GULP1: variants seen among roughly 807,000 people sequenced by gnomAD.
GULP1 encodes the protein PTB domain-containing engulfment adapter protein 1.
In GULP1, 19 loss-of-function variants were observed where a neutral mutation model predicts 40.9. That is an observed-to-expected ratio of 0.46 (90% CI 0.32 to 0.68). The LOEUF is 0.68. GULP1 is among the 30% of genes least tolerant of loss of function. GULP1 has a pLI of 0.03. For synonymous variants in GULP1, 119 were observed against 117.6 expected (o/e 1.01, Z -0.08); for missense variants, 312 against 362.2 (o/e 0.86, Z 1.12).
At position 188,593,937 on chromosome 2, in the gene GULP1, C is replaced by A; in HGVS notation, c.844-3C>A. 6.5e-7 allele frequency: 1 copy of A among 1,529,860 alleles called. No individual in the cohort carries two copies. Among genetic ancestry groups the A allele is most frequent in the Non-Finnish European group, 9.1e-7 (1 of 1,104,900 alleles). 94.8% of individuals were successfully genotyped at this position (1,529,860 alleles called of 1,614,324 possible). ...ATATTAATTATTTTATTCTGTTTTA[C>A]AGGAGGGGTTCAAAATGGGACTAAC... is the stretch of plus-strand genomic sequence containing the variant. On this transcript the variant is annotated splice_region_variant and splice_polypyrimidine_tract_variant and intron_variant, in intron 11 of 11. Coordinates refer to ENST00000409830, the MANE Select transcript of GULP1 (RefSeq NM_016315.4).
intron 2 of GULP1, among the ~76,000 whole-genome samples, chr2:188,396,326 A>G (rs1212372384): frequency 6.6e-6 from 1 of 152,234 alleles, no homozygotes; most frequent in Non-Finnish European, 1.5e-5. Context: ...GGTTCCCCAC[A>G]TGTGGGACAA....
At chr2:188,351,572 A>T (rs956924491) in intron 1 of GULP1, among the ~76,000 whole-genome samples, 6 of 152,188 alleles carry the variant, frequency 3.9e-5, no homozygotes, top group African/African-American at 1.2e-4. Flanking sequence ...TAAACTCTTG[A>T]TCCATGCATT....
At chr2:188,402,540 A>G (rs2052449992) in intron 2 of GULP1, among the ~76,000 whole-genome samples, 2 of 151,996 alleles carry the variant, frequency 1.3e-5, no homozygotes, top group South Asian at 2.1e-4. Flanking sequence ...TTTTGATAGA[A>G]AAGAAACAAG....
At chr2:188,521,824 C>A (rs2065810121) in intron 4 of GULP1, among the ~76,000 whole-genome samples, 2 of 152,270 alleles carry the variant, frequency 1.3e-5, no homozygotes, top group South Asian at 4.2e-4. Context: ...TGCCTGTAAT[C>A]CCAGTACTTT....
chr2:188,327,939 A>G (rs1461343811), intron 1 of GULP1, among the ~76,000 whole-genome samples: 1 of 152,128 alleles, frequency 6.6e-6, no homozygotes, highest in African/African-American at 2.4e-5. Context: ...ATCTCCCAGG[A>G]AACTTCCTAC....
At chr2:188,453,106 C>T (rs2058967746) in intron 2 of GULP1, among the ~76,000 whole-genome samples, 1 of 151,926 alleles carries the variant, frequency 6.6e-6, no homozygotes, top group East Asian at 1.9e-4. Flanking sequence ...GTGTGAGCCA[C>T]TATGCCCTTC....
At chr2:188,299,167 A>G (rs1420009653) in intron 1 of GULP1, among the ~76,000 whole-genome samples, 4 of 137,262 alleles carry the variant, frequency 2.9e-5, no homozygotes, top group African/African-American at 1.1e-4. Flanking sequence ...AGGACAGAGC[A>G]GGTGACTAAG....
chr2:188,348,780 C>A (rs1302250146), intron 1 of GULP1, among the ~76,000 whole-genome samples: 1 of 152,186 alleles, frequency 6.6e-6, no homozygotes, highest in Non-Finnish European at 1.5e-5. Context: ...ACTTGAGCAT[C>A]TGTGGATTTT....
intron 4 of GULP1, among the ~76,000 whole-genome samples, chr2:188,500,567 G>T (rs2063339274): frequency 6.6e-6 from 1 of 151,766 alleles, no homozygotes; most frequent in South Asian, 2.1e-4. Context: ...TAAATCTTTT[G>T]GGAACAAGGG....
chr2:188,309,590 C>A (rs943962047), intron 1 of GULP1, among the ~76,000 whole-genome samples: 16 of 152,150 alleles, frequency 1.1e-4, no homozygotes, highest in Admixed American at 9.2e-4. Context: ...TGTTACTGAA[C>A]CTTTTTGGAG....
chr2:188,436,566 A>C lies in GULP1; in HGVS notation c.-44-41093A>C, dbSNP rs533739877. On this transcript the variant is annotated intron_variant, in intron 2 of 11. Coordinates refer to ENST00000409830, the MANE Select transcript of GULP1 (RefSeq NM_016315.4). ...TATTATCTATATTCTTTGACCCTTG[A>C]TTTCTAAACTGGCAAACATGGATCC... Among the ~76,000 whole-genome samples the C allele has an allele frequency of 1.1e-4, 16 of 152,136 alleles. No individual in the cohort carries two copies. The South Asian group carries it at 3.3e-3, about 31-fold the overall frequency.
intron 1 of GULP1, among the ~76,000 whole-genome samples, chr2:188,318,568 A>G (rs2106535963): frequency 6.6e-6 from 1 of 152,280 alleles, no homozygotes; most frequent in Non-Finnish European, 1.5e-5. Flanking sequence ...AGCTAAAGCA[A>G]GGAAGGGGCA....
intron 11 of GULP1, chr2:188,592,228 A>G (rs1350245696): frequency 1.3e-5 from 2 of 151,970 alleles, no homozygotes. Flanking sequence ...GAACTGATAA[A>G]ATTTAAAAGT....
chr2:188,531,487 A>C (rs761539512), intron 6 of GULP1, among the ~76,000 whole-genome samples: 1 of 152,210 alleles, frequency 6.6e-6, no homozygotes, highest in Non-Finnish European at 1.5e-5. Flanking sequence ...ACGTGAATTT[A>C]AGTCCTCTCA....
chr2:188,487,669 T>C (rs2061979472), intron 4 of GULP1, among the ~76,000 whole-genome samples: 1 of 151,856 alleles, frequency 6.6e-6, no homozygotes, highest in Non-Finnish European at 1.5e-5. Flanking sequence ...TTCAAAACCA[T>C]GTCAGGGAGT....
intron 2 of GULP1, among the ~76,000 whole-genome samples, chr2:188,458,703 T>C (rs2059466936): frequency 6.6e-6 from 1 of 152,164 alleles, no homozygotes; most frequent in South Asian, 2.1e-4. Flanking sequence ...TCTTAGCTAT[T>C]TAACAAAATT....
intron 2 of GULP1, among the ~76,000 whole-genome samples, chr2:188,465,528 G>A (rs1024776470): frequency 1.3e-5 from 2 of 152,052 alleles, no homozygotes; most frequent in Non-Finnish European, 2.9e-5. Context: ...TGTCTCAGTA[G>A]GTCATGACCC....
At chr2:188,544,682 T>C (rs908110274) in intron 7 of GULP1, among the ~76,000 whole-genome samples, 4 of 151,638 alleles carry the variant, frequency 2.6e-5, no homozygotes, top group African/African-American at 7.3e-5. Flanking sequence ...AAATACCCAA[T>C]CTGAACAAGA....
intron 4 of GULP1, among the ~76,000 whole-genome samples, chr2:188,503,180 A>G (rs2063589560): frequency 1.3e-5 from 2 of 151,858 alleles, no homozygotes; most frequent in Admixed American, 1.3e-4. Context: ...AAATTCTTGA[A>G]CTTTCTTAAA....
Sources: allele counts gnomAD v4.1 joint callset (sites outside exome capture counted in the v4.1 genomes callset), GRCh38; gene constraint gnomAD v4.1.1; transcripts MANE v1.5; gene names NCBI Gene and HGNC (gene_info 2026-07-23, HGNC 2026-07-21).